CCDC18: variants seen among roughly 807,000 people sequenced by gnomAD.
The protein encoded by CCDC18 is coiled-coil domain containing 18.
Under a neutral mutation model 196.0 loss-of-function variants are expected in CCDC18, and 157 were observed. That is an observed-to-expected ratio of 0.80 (90% CI 0.70 to 0.91). The LOEUF (loss-of-function observed/expected upper bound fraction) is 0.91, where lower values mean the gene tolerates loss of function less well. CCDC18 is among the 40% of genes least tolerant of loss of function. CCDC18 has a pLI of 0.00. For missense variants in CCDC18, 1,465 were observed against 1,611.6 expected, an observed-to-expected ratio of 0.91 and a Z score of 1.56; for synonymous variants, 482 against 529.2, an observed-to-expected ratio of 0.91 and a Z score of 1.22.
chr1:93,180,283 C>T, upstream of CCDC18: 1 of 1,559,384 alleles, frequency 6.4e-7, no homozygotes. Flanking sequence ...GCGTCAGGTA[C>T]TGTTGTCTCC....
intron 17 of CCDC18, among the ~76,000 whole-genome samples, chr1:93,230,977 G>A (rs568250690): frequency 6.6e-6 from 1 of 152,304 alleles, no homozygotes; most frequent in Admixed American, 6.5e-5. Flanking sequence ...ATATTTGCAT[G>A]AAAAGGGATT....
In CCDC18 at chr1:93,264,852, A is replaced by AAGAT. The variant is rs780497052; in HGVS notation, c.3839_3842dup (p.Asn1282Ter). ...GTAAGCAATTTGCATCAACAAGTCCAAGATAGGAATGAAGTAATTGAAGCT... is the reference window on the plus strand; with the variant it reads ...GTAAGCAATTTGCATCAACAAGTCCAAGATAGATAGGAATGAAGTAATTGAAGCT... On this transcript the variant is annotated frameshift_variant, in exon 27 of 29. Coordinates refer to ENST00000690025, the MANE Select transcript of CCDC18 (RefSeq NM_001378204.1). LOFTEE classifies it high-confidence loss of function. 1.1e-5 allele frequency: 18 copies of AAGAT among 1,613,680 alleles called. No homozygotes were observed. The African/African-American group carries it at 2.1e-4, about 19-fold the overall frequency.
At chr1:93,182,503 G>A (rs1649899348) in intron 1 of CCDC18, among the ~76,000 whole-genome samples, 1 of 152,198 alleles carries the variant, frequency 6.6e-6, no homozygotes, top group Non-Finnish European at 1.5e-5. Flanking sequence ...TCTGAAAGAG[G>A]AATGTAATTT....
chr1:93,265,059 T>C (rs1328766046), intron 27 of CCDC18, 158 bp downstream of exon 27: 4 of 581,808 alleles, frequency 6.9e-6, no homozygotes, highest in Middle Eastern at 9.3e-4. Flanking sequence ...TAGGAAATTA[T>C]TAAGATGATG....
intron 26 of CCDC18, 69 bp downstream of exon 26, chr1:93,258,954 G>A (rs1663412784): frequency 7.6e-7 from 1 of 1,309,132 alleles, no homozygotes; most frequent in African/African-American, 1.5e-5. Context: ...ACAAAAGTAT[G>A]AGTCCAGCTC....
intron 8 of CCDC18, 42 bp from the exon 9 acceptor site, chr1:93,207,064 GC>G: frequency 2.0e-6 from 2 of 1,013,506 alleles, no homozygotes; most frequent in Non-Finnish European, 2.8e-6. Context: ...TAAAATGAAT[GC>G]ATATATATTT....
In CCDC18 at chr1:93,258,782, G is replaced by A. The variant is rs1398135953; in HGVS notation, c.3581G>A (p.Gly1194Glu). ...AHGNHLAEEL[G>E]ASKVREAHLE... ...GGAAACCATTTAGCTGAAGAACTGGGGGCTTCTAAAGTACGTGAAGCTCAT... is the reference window on the plus strand; with the variant it reads ...GGAAACCATTTAGCTGAAGAACTGGAGGCTTCTAAAGTACGTGAAGCTCAT... Residue 1194 changes from glycine to glutamate, a missense_variant, in exon 26 of 29, where the codon GGG becomes GAG. Transcript: ENST00000690025. The A allele has an allele frequency of 1.3e-6, 2 of 1,578,820 alleles. No individual in the cohort carries two copies. Among genetic ancestry groups the A allele is most frequent in the Admixed American group, 1.8e-5 (1 of 54,124 alleles).
chr1:93,255,062 C>T (rs1662773975), intron 24 of CCDC18, among the ~76,000 whole-genome samples: 1 of 142,630 alleles, frequency 7.0e-6, no homozygotes, highest in Non-Finnish European at 1.5e-5. Flanking sequence ...CAGTGATTCT[C>T]CTGCCTCAGC....
rs1663396433 is a variant in CCDC18 at position 93,258,865 on chromosome 1, AAAG to A, written c.3668_3670del (p.Glu1223del). 1.3e-6 allele frequency: 2 copies of A among 1,597,024 alleles called. No homozygotes were observed. The highest frequency in any genetic ancestry group is 1.7e-6 in the Non-Finnish European group (2 of 1,172,898). The stretch of plus-strand genomic sequence containing the variant: ...ATTGTCAGCAGAAGTAGAATCTCTC[AAAG>A]AAGCTTATCATATGGAGGTAAAGAA... On this transcript the variant is annotated inframe_deletion, in exon 26 of 29. Coordinates refer to ENST00000690025, the MANE Select transcript of CCDC18 (RefSeq NM_001378204.1).
At chr1:93,191,085 G>T in intron 4 of CCDC18, 1 of 550,294 alleles carries the variant, frequency 1.8e-6, no homozygotes, top group Non-Finnish European at 3.1e-6. Context: ...TATCAGCAAG[G>T]AGATTTTTTT....
chr1:93,263,338 A>G (rs1311169296), intron 26 of CCDC18, among the ~76,000 whole-genome samples: 2 of 151,902 alleles, frequency 1.3e-5, no homozygotes, highest in Non-Finnish European at 2.9e-5. Flanking sequence ...TTTAACTTTT[A>G]TGCTCTGCTT....
rs750748932 is a variant in CCDC18, at chr1:93,221,896, TA to T, written c.2139del (p.Ala714HisfsTer16). ...GAAAATATGAAGAAAGATGAAGCTT[TA>T]AAAGCATTACAGAACCAAGTATCTG... Reference protein sequence around the residue: ...KKENMKKDEALKALQNQVSEE... With the variant: ...KKENMKKDEAXKALQNQVSEE... On this transcript the variant is annotated frameshift_variant, in exon 16 of 29. Transcript: ENST00000690025. LOFTEE classifies it high-confidence loss of function. 4.4e-6 allele frequency: 7 copies of T among 1,601,464 alleles called. No homozygotes were observed. In the South Asian group the frequency reaches 6.7e-5, roughly 15 times the overall value.
chr1:93,270,679 T>C lies in CCDC18; in HGVS notation c.4218T>C (p.Pro1406=). Residue 1406 remains proline (P), a synonymous_variant, in exon 28 of 29, where the codon CCT becomes CCC. Coordinates refer to ENST00000690025, the MANE Select transcript of CCDC18 (RefSeq NM_001378204.1). The part of the protein sequence containing the change: ...LTYTQPDSFK[P]LTYNLEADSS... ...ACACCCAGCCAGACTCATTTAAACC[T>C]CTCACATATAACCTAGAAGCTGATA... 6.5e-7 allele frequency: 1 copy of C among 1,550,360 alleles called. No homozygotes were observed. The highest frequency in any genetic ancestry group is 8.7e-7 in the Non-Finnish European group (1 of 1,146,888).
chr1:93,195,296 T>G (rs1462780389), intron 6 of CCDC18, among the ~76,000 whole-genome samples: 1 of 152,214 alleles, frequency 6.6e-6, no homozygotes, highest in Non-Finnish European at 1.5e-5. Flanking sequence ...TTTTATGTTC[T>G]TATAAGTAAA....
intron 6 of CCDC18, among the ~76,000 whole-genome samples, chr1:93,201,432 G>A (rs1217900368): frequency 6.6e-6 from 1 of 152,034 alleles, no homozygotes; most frequent in African/African-American, 2.4e-5. Context: ...TTTATATCTG[G>A]TATCAATAGA....
intron 4 of CCDC18, 50 bp downstream of exon 4, chr1:93,186,553 G>A (rs765851354): frequency 6.8e-7 from 1 of 1,472,892 alleles, no homozygotes; most frequent in Non-Finnish European, 9.2e-7. Context: ...GTTATTTTAA[G>A]ATTTATAATT....
In CCDC18 at chr1:93,184,021, A is replaced by G; in HGVS notation, c.178A>G (p.Arg60Gly). ...ENSDYAPNPSRSEKLILDVQP... is the reference protein window; with the variant it reads ...ENSDYAPNPSGSEKLILDVQP... ...TTCTGATTATGCCCCTAATCCTTCA[A>G]GGTCTGAAAAGCTAATTTTGGATGT... The change falls in exon 3 of 29, where the codon AGG becomes GGG. Residue 60 changes from arginine (R) to glycine (G), a missense_variant. By Grantham distance (125) the Arg-to-Gly change is moderately radical. Coordinates refer to ENST00000690025, the MANE Select transcript of CCDC18 (RefSeq NM_001378204.1). 1.3e-6 allele frequency: 2 copies of G among 1,579,882 alleles called. No homozygotes were observed. The highest frequency in any genetic ancestry group is 1.7e-6 in the Non-Finnish European group (2 of 1,159,190).
At chr1:93,264,603 G>T in intron 26 of CCDC18, 98 bp from the exon 27 acceptor site, 1 of 689,376 alleles carries the variant, frequency 1.5e-6, no homozygotes, top group South Asian at 2.2e-5. Context: ...TTTTTTTAAA[G>T]AAAAAGTAAA....
At chr1:93,198,955 T>G (rs1049876446) in intron 6 of CCDC18, among the ~76,000 whole-genome samples, 94 of 152,182 alleles carry the variant, frequency 6.2e-4, no homozygotes, top group African/African-American at 2.1e-3. Flanking sequence ...CTTTAATGCA[T>G]GTTTTAAAAT....
Sources: gnomAD v4.1 joint callset for allele counts (sites outside exome capture counted in the v4.1 genomes callset) on GRCh38, gnomAD v4.1.1 for gene constraint, MANE v1.5 for transcripts, NCBI Gene and HGNC (gene_info 2026-07-23, HGNC 2026-07-21) for gene names.